Variants in NUP210L observed in about 807,000 individuals in gnomAD.
NUP210L encodes the protein nuclear pore membrane glycoprotein 210-like.
NUP210L carries 74 observed loss-of-function variants against 208.5 expected under a neutral mutation model. The observed-to-expected ratio is 0.35, with a 90% CI of 0.29 to 0.43. The LOEUF (loss-of-function observed/expected upper bound fraction) is 0.43. NUP210L is among the 20% of genes least tolerant of loss of function. The pLI is 1.00. For missense variants in NUP210L, 1,843 were observed against 2,289.4 expected (o/e 0.81, Z 3.98); for synonymous variants, 780 against 816.9 (o/e 0.95, Z 0.77).
At chr1:154,096,407 G>T (rs1378225106) in intron 14 of NUP210L, among the ~76,000 whole-genome samples, 2 of 152,116 alleles carry the variant, frequency 1.3e-5, no homozygotes, top group Non-Finnish European at 2.9e-5. Context: ...TGTCTCACAG[G>T]GGAGCTCACA....
intron 32 of NUP210L, among the ~76,000 whole-genome samples, chr1:154,019,863 T>G (rs372535321): frequency 1.3e-5 from 2 of 150,730 alleles, no homozygotes; most frequent in East Asian, 3.9e-4. Flanking sequence ...AAGGTGGAGG[T>G]TGAAGTGAGC....
At chr1:154,109,240 G>T (rs1431781781) in intron 12 of NUP210L, among the ~76,000 whole-genome samples, 1 of 151,508 alleles carries the variant, frequency 6.6e-6, no homozygotes, top group Non-Finnish European at 1.5e-5. Context: ...AGCAAGAATA[G>T]CTATGCTTAT....
intron 11 of NUP210L, 131 bp from the exon 12 acceptor site, chr1:154,118,011 T>C: frequency 1.5e-6 from 1 of 684,170 alleles, no homozygotes; most frequent in Admixed American, 2.9e-5. Flanking sequence ...TTGGACACAT[T>C]AGAAACTGTG....
chr1:154,094,412 C>T (rs1044248694), intron 15 of NUP210L, among the ~76,000 whole-genome samples: 9 of 152,094 alleles, frequency 5.9e-5, no homozygotes, highest in Admixed American at 3.9e-4. Flanking sequence ...GAGCCGAGAT[C>T]GTGCCACTGC....
At chr1:154,090,684 G>A (rs1460039702) in intron 15 of NUP210L, among the ~76,000 whole-genome samples, 1 of 151,920 alleles carries the variant, frequency 6.6e-6, no homozygotes, top group African/African-American at 2.4e-5. Flanking sequence ...ATTGCCACAC[G>A]CCTGTAGTCC....
chr1:154,090,927 G>A (rs931323054), intron 15 of NUP210L, among the ~76,000 whole-genome samples: 3 of 151,790 alleles, frequency 2.0e-5, no homozygotes, highest in African/African-American at 7.3e-5. Flanking sequence ...GTGGAAAATA[G>A]TATGGTGGTT....
chr1:154,106,421 T>G (rs996898416), intron 12 of NUP210L, among the ~76,000 whole-genome samples: 1 of 152,306 alleles, frequency 6.6e-6, no homozygotes, highest in East Asian at 1.9e-4. Context: ...TGCCCTGGGC[T>G]GGTGAGGAGC....
At chr1:154,077,113 G>A (rs1335560086) in intron 16 of NUP210L, among the ~76,000 whole-genome samples, 4 of 152,086 alleles carry the variant, frequency 2.6e-5, no homozygotes, top group African/African-American at 9.7e-5. Context: ...AGTGGCTCGC[G>A]CTTGTAATCT....
At chr1:153,996,309 CAA>C (rs1487570121) in intron 37 of NUP210L, among the ~76,000 whole-genome samples, 1 of 152,062 alleles carries the variant, frequency 6.6e-6, no homozygotes, top group Non-Finnish European at 1.5e-5. Context: ...ACAAAACAAA[CAA>C]AAACATGCTG....
chr1:154,046,802 C>T (rs1000286503), intron 25 of NUP210L, among the ~76,000 whole-genome samples: 2 of 152,304 alleles, frequency 1.3e-5, no homozygotes, highest in Middle Eastern at 3.4e-3. Context: ...CGGTGGCTCA[C>T]GCCTGTAATC....
chr1:154,075,312 G>A (rs1051699792), intron 16 of NUP210L, among the ~76,000 whole-genome samples: 32 of 152,030 alleles, frequency 2.1e-4, no homozygotes, highest in Middle Eastern at 3.4e-3. Context: ...ACATACCCAC[G>A]TATACATATA....
chr1:153,995,298 C>T (rs1301705213), intron 37 of NUP210L, 118 bp from the exon 38 acceptor site: 2 of 703,832 alleles, frequency 2.8e-6, no homozygotes, highest in Non-Finnish European at 4.8e-6. Context: ...GTCCCCCAGG[C>T]TGGAGGGCAG....
exon 9 of NUP210L, chr1:154,127,415 A>C (rs1231777097): frequency 4.7e-6 from 7 of 1,500,282 alleles, no homozygotes; most frequent in Non-Finnish European, 6.5e-6. Flanking sequence ...TGGACAGTGA[A>C]ACCTATACAC....
intron 16 of NUP210L, among the ~76,000 whole-genome samples, chr1:154,074,197 A>C (rs945915451): frequency 6.6e-6 from 1 of 152,138 alleles, no homozygotes; most frequent in Non-Finnish European, 1.5e-5. Flanking sequence ...TGATAATTTG[A>C]AATCTTGAGA....
At chr1:154,000,865 A>G (rs1317308193) in exon 37 of NUP210L, 1 of 1,613,668 alleles carries the variant, frequency 6.2e-7, no homozygotes, top group African/African-American at 1.3e-5. Flanking sequence ...CCTGCACCCA[A>G]CTTATCTTTC....
At chr1:154,100,247 T>G (rs1325111461) in intron 13 of NUP210L, 104 bp from the exon 14 acceptor site, 1 of 993,884 alleles carries the variant, frequency 1.0e-6, no homozygotes, top group Non-Finnish European at 1.5e-6. Flanking sequence ...CTCCGAAGTT[T>G]AAGACCCGCC....
At chr1:153,995,485 C>T in intron 37 of NUP210L, 1 of 568,688 alleles carries the variant, frequency 1.8e-6, no homozygotes. Flanking sequence ...TGACTTCTTC[C>T]TATCTCCAGA....
At chr1:154,136,225 G>A (rs185781061) in intron 6 of NUP210L, among the ~76,000 whole-genome samples, 25 of 152,328 alleles carry the variant, frequency 1.6e-4, no homozygotes, top group Middle Eastern at 3.4e-3. Context: ...GCCAAGGCGG[G>A]TGGATCACCT....
At chr1:154,084,038 C>CTTTTTTTTTTT (rs34861266) in intron 16 of NUP210L, among the ~76,000 whole-genome samples, 1 of 103,612 alleles carries the variant, frequency 9.7e-6, no homozygotes, top group Non-Finnish European at 1.9e-5. Flanking sequence ...CTTTTCCTTT[C>CTTTTTTTTTTT]TTTTTTTTTT....
Sources: gnomAD v4.1 joint callset for allele counts (sites outside exome capture counted in the v4.1 genomes callset) on GRCh38, gnomAD v4.1.1 for gene constraint, MANE v1.5 for transcripts, NCBI Gene and HGNC (gene_info 2026-07-23, HGNC 2026-07-21) for gene names.